CCDC171: variants seen among roughly 807,000 people sequenced by gnomAD.
The protein encoded by CCDC171 is coiled-coil domain containing 171, also known as coiled-coil domain-containing protein 171.
A neutral mutation model predicts 168.2 loss-of-function variants in CCDC171; 177 were observed. The ratio of observed to expected loss-of-function variants is 1.05; its 90% CI spans 0.93 to 1.19. CCDC171 has a LOEUF of 1.19. CCDC171 is among the 50% of genes most tolerant of loss of function. The pLI, the probability that CCDC171 is intolerant of heterozygous loss-of-function variation, is 0.00. For missense variants in CCDC171, 1,991 were observed against 1,539.0 expected (o/e 1.29, Z -4.91); for synonymous variants, 687 against 540.8 (o/e 1.27, Z -3.75).
chr9:15,942,439 CCTTTCTTAAGGGAAGGAGAAAGGAAA>C (rs1827839197), intron 25 of CCDC171, among the ~76,000 whole-genome samples: 1 of 151,772 alleles, frequency 6.6e-6, no homozygotes, highest in Non-Finnish European at 1.5e-5. Context: ...TCTCCCTGCC[CCTTTCTTAAGGGAAGGAGAAAGGAAA>C]GGAGAGAAAT....
intron 9 of CCDC171, among the ~76,000 whole-genome samples, chr9:15,675,845 G>C (rs2133348966): frequency 6.6e-6 from 1 of 152,182 alleles, no homozygotes; most frequent in East Asian, 1.9e-4. Flanking sequence ...TGACAATCGT[G>C]CATCTTGGGA....
chr9:15,712,061 G>C (rs889687881), intron 11 of CCDC171, among the ~76,000 whole-genome samples: 6 of 152,194 alleles, frequency 3.9e-5, no homozygotes, highest in African/African-American at 1.2e-4. Flanking sequence ...AGGAGTCTGA[G>C]CCTGAAAGCA....
chr9:16,069,267 A>G, the CCDC171 span, among the ~76,000 whole-genome samples: 44 of 152,350 alleles, frequency 2.9e-4, 1 homozygote, highest in Non-Finnish European at 2.9e-5. Flanking sequence ...GTGTGCAGAT[A>G]TGTGTGTGTG....
intron 1 of CCDC171, among the ~76,000 whole-genome samples, chr9:15,558,849 T>G (rs1385173248): frequency 1.3e-5 from 2 of 152,186 alleles, no homozygotes; most frequent in African/African-American, 4.8e-5. Flanking sequence ...AGATCTTTCC[T>G]GCTTTCTCTT....
Position 15,591,376 on chromosome 9 carries a change from A to G in CCDC171, c.363A>G (p.Ser121=), listed in dbSNP as rs760659111. Residue 121 remains serine (S), a synonymous_variant, in exon 5 of 26, where the codon TCA becomes TCG. Transcript: ENST00000380701. ...TTCTATTCTTAATAGCACAGAATTC[A>G]GAACTTCAAGCAAAGACAAATGAGA... ...RIQEKLCAQN[S]ELQAKTNETE... is the part of the protein sequence containing the mutation. The G allele has an allele frequency of 6.3e-7, 1 of 1,597,140 alleles. No individual in the cohort carries two copies. The highest frequency in any genetic ancestry group is 8.5e-7 in the Non-Finnish European group (1 of 1,172,154).
chr9:15,710,526 C>A (rs545176432), intron 11 of CCDC171, among the ~76,000 whole-genome samples: 1 of 152,068 alleles, frequency 6.6e-6, no homozygotes, highest in East Asian at 1.9e-4. Context: ...TGGTCTCAAT[C>A]TCCTGACCTC....
At chr9:15,992,795 C>T (rs1832242649) in intron 3 of CCDC171, among the ~76,000 whole-genome samples, 1 of 152,092 alleles carries the variant, frequency 6.6e-6, no homozygotes, top group Non-Finnish European at 1.5e-5. Flanking sequence ...TCTTATACAC[C>T]AATAACGGAC....
chr9:15,992,583 G>T (rs572257595), intron 3 of CCDC171, among the ~76,000 whole-genome samples: 31 of 152,192 alleles, frequency 2.0e-4, no homozygotes, highest in Non-Finnish European at 4.1e-4. Flanking sequence ...GCTGTTGGAA[G>T]TTCTGGCCAG....
chr9:15,633,713 A>G (rs1216323515), intron 7 of CCDC171, among the ~76,000 whole-genome samples: 1 of 152,180 alleles, frequency 6.6e-6, no homozygotes. Flanking sequence ...TACTATACAG[A>G]CACATGCACA....
At chr9:15,655,156 C>T (rs1227216435) in intron 7 of CCDC171, among the ~76,000 whole-genome samples, 2 of 139,898 alleles carry the variant, frequency 1.4e-5, no homozygotes. Flanking sequence ...ACATTGTTCA[C>T]ATGCACCCTC....
chr9:15,587,174 C>G (rs2041631859), intron 4 of CCDC171, among the ~76,000 whole-genome samples: 1 of 152,080 alleles, frequency 6.6e-6, no homozygotes, highest in Non-Finnish European at 1.5e-5. Context: ...ACACTCTATG[C>G]CGGATGTTGG....
the CCDC171 span, among the ~76,000 whole-genome samples, chr9:16,105,248 G>A: frequency 1.3e-5 from 2 of 152,178 alleles, no homozygotes; most frequent in African/African-American, 4.8e-5. Context: ...GGATAGAAGG[G>A]ACATTTAATA....
chr9:15,843,669 T>C (rs2060778989), intron 21 of CCDC171, among the ~76,000 whole-genome samples: 1 of 152,122 alleles, frequency 6.6e-6, no homozygotes, highest in South Asian at 2.1e-4. Context: ...TCTACCTAAT[T>C]GGCTTGTCTT....
intron 24 of CCDC171, among the ~76,000 whole-genome samples, chr9:15,916,398 T>C (rs1824516839): frequency 1.3e-5 from 1 of 79,306 alleles, no homozygotes; most frequent in African/African-American, 3.1e-5. Context: ...ATATGTGTTT[T>C]ACACAATATA....
chr9:16,020,024 G>C (rs549608690), intron 3 of CCDC171, among the ~76,000 whole-genome samples: 4 of 152,312 alleles, frequency 2.6e-5, no homozygotes, highest in East Asian at 3.9e-4. Flanking sequence ...AAGAACCCCA[G>C]TGGAAGCTTA....
chr9:15,566,507 C>T (rs2039740658), intron 2 of CCDC171, among the ~76,000 whole-genome samples: 2 of 152,160 alleles, frequency 1.3e-5, no homozygotes, highest in South Asian at 4.1e-4. Context: ...TGCAGTGAGC[C>T]TAGATCATGC....
At chr9:15,626,846 G>T (rs1381284231) in intron 7 of CCDC171, among the ~76,000 whole-genome samples, 1 of 152,200 alleles carries the variant, frequency 6.6e-6, no homozygotes, top group Non-Finnish European at 1.5e-5. Flanking sequence ...GACTTAGGGA[G>T]AGTTCCCTCT....
intron 6 of CCDC171, among the ~76,000 whole-genome samples, chr9:15,613,736 G>C (rs1390986965): frequency 6.6e-6 from 1 of 151,966 alleles, no homozygotes. Context: ...TGTTGGCCAG[G>C]CTGGTCTTGA....
intron 25 of CCDC171, among the ~76,000 whole-genome samples, chr9:15,956,280 A>G (rs9969685): frequency 0.31 from 47,113 of 152,064 alleles, 9,149 homozygotes; most frequent in East Asian, 0.61. Context: ...AGTGGGAAAT[A>G]TCTGCTGGGA....
Sources: allele counts gnomAD v4.1 joint callset (sites outside exome capture counted in the v4.1 genomes callset), GRCh38; gene constraint gnomAD v4.1.1; transcripts MANE v1.5; gene names NCBI Gene and HGNC (gene_info 2026-07-23, HGNC 2026-07-21).